The following SORL1 variants were observed in gnomAD, a reference collection of about 807,000 sequenced individuals.
SORL1 encodes the protein sortilin related receptor 1.
A neutral mutation model predicts 273.7 loss-of-function variants in SORL1; 127 were observed. The ratio of observed to expected loss-of-function variants is 0.46; its 90% CI spans 0.40 to 0.54. The LOEUF is 0.54. SORL1 is among the 20% of genes least tolerant of loss of function. SORL1 has a pLI of 0.00. For missense variants in SORL1, 2,494 were observed against 2,846.1 expected (o/e 0.88, Z 2.81); for synonymous variants, 1,031 against 1,067.4 (o/e 0.97, Z 0.66).
At chr11:121,558,962 A>G (rs750367312) in intron 20 of SORL1, 125 bp downstream of exon 20, 8 of 1,243,698 alleles carry the variant, frequency 6.4e-6, no homozygotes, top group African/African-American at 1.5e-5. Context: ...CTTTTTTCCA[A>G]ATTTGAGATA....
chr11:121,462,882 C>T lies in SORL1; in HGVS notation c.286-7125C>T, dbSNP rs116139041. ...TTGCAGATGTGAGTCTGCCATTTTACTAACACCTAGTATAGCATCTGGTAT... is the reference window on the plus strand; with the variant it reads ...TTGCAGATGTGAGTCTGCCATTTTATTAACACCTAGTATAGCATCTGGTAT... On this transcript the variant is annotated intron_variant, in intron 1 of 47. Coordinates refer to ENST00000260197, the MANE Select transcript of SORL1 (RefSeq NM_003105.6). 9.6e-3 allele frequency among the ~76,000 whole-genome samples: 1,465 copies of T among 152,250 alleles called. 23 individuals carry two copies. Among genetic ancestry groups the T allele is most frequent in the African/African-American group, 0.033 (1,388 of 41,556 alleles).
At chr11:121,524,214 T>C (rs2134860792) in intron 11 of SORL1, among the ~76,000 whole-genome samples, 1 of 152,384 alleles carries the variant, frequency 6.6e-6, no homozygotes, top group Middle Eastern at 3.4e-3. Flanking sequence ...AGCTGGACGC[T>C]CCCTTTGAAA....
At chr11:121,626,259 C>T (rs1157262654) in intron 46 of SORL1, 1 of 152,176 alleles carries the variant, frequency 6.6e-6, no homozygotes, top group African/African-American at 2.4e-5. Context: ...CAGAAGGGCT[C>T]TTGGCCAACA....
intron 14 of SORL1, chr11:121,546,783 A>G (rs1275376033): frequency 6.6e-6 from 1 of 152,246 alleles, no homozygotes; most frequent in Non-Finnish European, 1.5e-5. Context: ...TCTATTTACA[A>G]AAATGGCCAA....
In SORL1 at chr11:121,590,132, G is replaced by A; in HGVS notation, c.4171G>A (p.Glu1391Lys). The A allele has an allele frequency of 6.2e-7, 1 of 1,614,224 alleles. No homozygotes were observed. The highest frequency in any genetic ancestry group is 8.5e-7 in the Non-Finnish European group (1 of 1,180,028). The change falls in exon 30 of 48, where the codon GAG (glutamate) becomes AAG (lysine). Residue 1391 changes from glutamate (E) to lysine (K), a missense_variant. Glu to Lys is a moderately conservative substitution (Grantham distance 56, BLOSUM62 1). Transcript: ENST00000260197. The stretch of plus-strand genomic sequence containing the variant: ...CCCCAACAGATGGAAATGTGACAGG[G>A]AGAACGACTGTGGGGACTGGTCTGA... ...CIPNRWKCDR[E>K]NDCGDWSDEK...
intron 32 of SORL1, among the ~76,000 whole-genome samples, chr11:121,597,862 C>T (rs927991004): frequency 2.6e-5 from 4 of 152,150 alleles, no homozygotes; most frequent in African/African-American, 4.8e-5. Context: ...GCATAGTTTG[C>T]AGGTGGGCTA....
chr11:121,508,602 T>G (rs1861824043), intron 6 of SORL1, among the ~76,000 whole-genome samples: 1 of 152,208 alleles, frequency 6.6e-6, no homozygotes. Flanking sequence ...TCCAGACCTA[T>G]TCTGTCCTCT....
At position 121,522,940 on chromosome 11, in the gene SORL1, G is replaced by A. The variant is rs200748970; in HGVS notation, c.1547G>A (p.Ser516Asn). The A allele has an allele frequency of 1.1e-4, 172 of 1,614,012 alleles. No individual in the cohort carries two copies. In the East Asian group the frequency reaches 2.7e-3, roughly 25 times the overall value. ...ATGSVGKNLA[S>N]KTNVYISSSA... is the part of the protein sequence containing the mutation. Reference sequence around the variant, plus strand: ...GGCTCAGTGGGAAAGAACTTGGCTAGCAAGACAAACGTGTACATCTCTAGC... The same window carrying A: ...GGCTCAGTGGGAAAGAACTTGGCTAACAAGACAAACGTGTACATCTCTAGC... The change falls in exon 11 of 48, where the codon AGC (serine) becomes AAC (asparagine). Residue 516 changes from serine to asparagine, a missense_variant. Transcript: ENST00000260197.
chr11:121,554,178 C>T lies in SORL1; in HGVS notation c.2439+69C>T. 2 of 1,407,370 alleles carry T rather than the reference C, an allele frequency of 1.4e-6. No homozygotes were observed. The highest frequency in any genetic ancestry group is 2.0e-6 in the Non-Finnish European group (2 of 1,018,932). The allele number at this position is 1,407,370 out of a possible 1,614,324, so 87.2% of individuals were successfully genotyped here. A position where few individuals can be genotyped will look rare whatever the true frequency, so the allele number is the denominator to read the frequency against. On this transcript the variant is annotated intron_variant, in intron 17 of 47. Transcript: ENST00000260197. The surrounding 1 kb of genome is among the most constrained non-coding windows in gnomAD (Gnocchi z 4.6). ...CTGCCCTGTCCTGATAAGCTGCATGCAGAATGGCCTATGGAAATGGGCAGT... is the reference window on the plus strand; with the variant it reads ...CTGCCCTGTCCTGATAAGCTGCATGTAGAATGGCCTATGGAAATGGGCAGT...
chr11:121,566,866 G>A, intron 21 of SORL1, 74 bp from the exon 22 acceptor site: 1 of 1,394,360 alleles, frequency 7.2e-7, no homozygotes, highest in Non-Finnish European at 9.7e-7. Context: ...GGTTGCAGTG[G>A]GTCTCCTTCT....
intron 12 of SORL1, among the ~76,000 whole-genome samples, chr11:121,539,070 A>G (rs1032451603): frequency 6.6e-6 from 1 of 152,196 alleles, no homozygotes; most frequent in Non-Finnish European, 1.5e-5. Context: ...TCATTGACAG[A>G]TGTGTTGAGC....
intron 3 of SORL1, among the ~76,000 whole-genome samples, chr11:121,480,470 G>A (rs558726627): frequency 1.1e-4 from 17 of 152,156 alleles, no homozygotes; most frequent in African/African-American, 3.4e-4. Flanking sequence ...TTGTCTCAGA[G>A]CTCACTCTTG....
chr11:121,535,959 G>C (rs1862261017), intron 12 of SORL1, among the ~76,000 whole-genome samples: 1 of 152,192 alleles, frequency 6.6e-6, no homozygotes, highest in South Asian at 2.1e-4. Context: ...GGAGGCATAG[G>C]AGCAGTGGCT....
rs751430454 is a variant in SORL1 at position 121,452,524 on chromosome 11, G to A, written c.193G>A (p.Asp65Asn). ...CGAGCTGCGGCTGTGGGCGCGCGGG[G>A]ATGCCAGGGGGGCGAGCCGCGCGGA... ...PRELRLWARG[D>N]ARGASRADEK... Residue 65 changes from aspartate to asparagine, a missense_variant, in exon 1 of 48, where the codon GAT becomes AAT. Coordinates refer to ENST00000260197, the MANE Select transcript of SORL1 (RefSeq NM_003105.6). The surrounding 1 kb of genome is among the most constrained non-coding windows in gnomAD (Gnocchi z 5.3). 1 of 1,481,034 alleles carries A rather than the reference G, an allele frequency of 6.8e-7. No homozygotes were observed. The highest frequency in any genetic ancestry group is 1.5e-5 in the African/African-American group (1 of 68,454). The allele number at this position is 1,481,034 out of a possible 1,614,324, so 91.7% of individuals were successfully genotyped here.
intron 14 of SORL1, among the ~76,000 whole-genome samples, chr11:121,549,035 T>G (rs933398904): frequency 6.6e-5 from 10 of 152,166 alleles, no homozygotes; most frequent in Non-Finnish European, 1.3e-4. Context: ...AGTCACCTCG[T>G]TTTAGAATCG....
chr11:121,481,244 C>T (rs535134371), intron 3 of SORL1, among the ~76,000 whole-genome samples: 2 of 116,036 alleles, frequency 1.7e-5, no homozygotes, highest in African/African-American at 7.5e-5. Flanking sequence ...CAAGCTCCAT[C>T]TCCTCCTCCC....
At chr11:121,455,193 A>G (rs924823670) in intron 1 of SORL1, among the ~76,000 whole-genome samples, 4 of 152,154 alleles carry the variant, frequency 2.6e-5, no homozygotes, top group Non-Finnish European at 5.9e-5. Context: ...CAGGCATGTC[A>G]ATGTACCAGG....
intron 31 of SORL1, among the ~76,000 whole-genome samples, chr11:121,593,622 C>T (rs1244128185): frequency 6.7e-6 from 1 of 148,928 alleles, no homozygotes; most frequent in Non-Finnish European, 1.5e-5. Flanking sequence ...TGGTTTACTC[C>T]CTTGTTTGGG....
At chr11:121,616,418 C>T (rs555931301) in intron 41 of SORL1, among the ~76,000 whole-genome samples, 29 of 152,308 alleles carry the variant, frequency 1.9e-4, no homozygotes, top group Non-Finnish European at 3.8e-4. Context: ...GTGAGAAGTG[C>T]CATTGTCACT....
Sources: gnomAD v4.1 joint callset for allele counts (sites outside exome capture counted in the v4.1 genomes callset) on GRCh38, gnomAD v4.1.1 for gene constraint, Gnocchi (gnomAD v3.1) non-coding constraint, MANE v1.5 for transcripts, NCBI Gene and HGNC (gene_info 2026-07-23, HGNC 2026-07-21) for gene names.